Variants in E2F3 observed in about 807,000 individuals in gnomAD.
The protein encoded by E2F3 is transcription factor E2F3.
E2F3 carries 11 observed loss-of-function variants against 44.4 expected under a neutral mutation model. The ratio of observed to expected loss-of-function variants is 0.25; its 90% confidence interval spans 0.16 to 0.41. The LOEUF (loss-of-function observed/expected upper bound fraction) is 0.41. Among genes scored for constraint, E2F3 ranks in the 10% least tolerant of loss-of-function variants. E2F3 has a pLI of 1.00. For missense variants in E2F3, 487 were observed against 583.6 expected (o/e 0.83, Z 1.70); for synonymous variants, 249 against 253.0 (o/e 0.98, Z 0.15).
chr6:20,493,576 A>C lies in E2F3; in HGVS notation c.*3146A>C, dbSNP rs1046249257. On this transcript the variant is annotated 3_prime_UTR_variant, in exon 7 of 7. Coordinates refer to ENST00000346618, the MANE Select transcript of E2F3 (RefSeq NM_001949.5). Reference sequence around the variant, plus strand: ...TATAATGTAAAAAAAAACAAAAAAAAGCTTTTATGATGGATTTTGTAAATA... The same window carrying C: ...TATAATGTAAAAAAAAACAAAAAAACGCTTTTATGATGGATTTTGTAAATA... 9.4e-6 allele frequency: 2 copies of C among 212,672 alleles called. No homozygotes were observed. The highest frequency in any genetic ancestry group is 1.4e-4 in the East Asian group (2 of 14,026). The allele number at this position is 212,672 out of a possible 1,614,324, so 13.2% of individuals were successfully genotyped here.
chr6:20,431,982 C>T (rs987807668), intron 1 of E2F3, among the ~76,000 whole-genome samples: 2 of 152,232 alleles, frequency 1.3e-5, no homozygotes, highest in Non-Finnish European at 2.9e-5. Context: ...GTCATAAGCT[C>T]ACCGGGTGTC....
chr6:20,406,222 A>G (rs758560112), intron 1 of E2F3, among the ~76,000 whole-genome samples: 1 of 152,222 alleles, frequency 6.6e-6, no homozygotes, highest in Non-Finnish European at 1.5e-5. Flanking sequence ...GCTGTAAAGC[A>G]TCTATTATTT....
chr6:20,434,852 A>T (rs1309483078), intron 1 of E2F3, among the ~76,000 whole-genome samples: 1 of 152,208 alleles, frequency 6.6e-6, no homozygotes, highest in Non-Finnish European at 1.5e-5. Flanking sequence ...GCTTCTGTTC[A>T]TCAGAATGAA....
intron 1 of E2F3, among the ~76,000 whole-genome samples, chr6:20,449,796 C>T (rs1005548986): frequency 9.2e-5 from 14 of 152,082 alleles, no homozygotes; most frequent in African/African-American, 3.4e-4. Flanking sequence ...TCTGGTAGGC[C>T]CCACTGTCTG....
intron 1 of E2F3, among the ~76,000 whole-genome samples, chr6:20,452,865 A>T (rs1319680793): frequency 6.6e-6 from 1 of 151,980 alleles, no homozygotes; most frequent in South Asian, 2.1e-4. Flanking sequence ...GAGGCAGGAG[A>T]ATCGTTTGAA....
intron 1 of E2F3, among the ~76,000 whole-genome samples, chr6:20,413,897 A>G (rs899673602): frequency 1.3e-5 from 2 of 152,222 alleles, no homozygotes; most frequent in African/African-American, 4.8e-5. Flanking sequence ...AAGAAATACA[A>G]GACCTTTGAC....
chr6:20,455,779 T>TA (rs1298162991), intron 1 of E2F3, among the ~76,000 whole-genome samples: 2 of 152,082 alleles, frequency 1.3e-5, no homozygotes, highest in Non-Finnish European at 2.9e-5. Context: ...AGTGTGGTAA[T>TA]AGGGTGGAGT....
rs1219999206 is a variant in E2F3, at chr6:20,457,216, C to T, written c.394-22630C>T. ...TTGAGAAGAAGTCTTACTCTGTTGC[C>T]CAGGCTGGAGTACAGTGGTCCCATC... On this transcript the variant is annotated intron_variant, in intron 1 of 6. Transcript: ENST00000346618. Among the ~76,000 whole-genome samples, 7 of 151,976 alleles carry T rather than the reference C, an allele frequency of 4.6e-5. No homozygotes were observed. The East Asian group carries it at 9.6e-4, about 21-fold the overall frequency.
intron 1 of E2F3, among the ~76,000 whole-genome samples, chr6:20,419,806 T>C (rs540486401): frequency 6.6e-6 from 1 of 152,276 alleles, no homozygotes; most frequent in South Asian, 2.1e-4. Context: ...GCTCAGTCAA[T>C]CTGCCCGCCT....
chr6:20,416,501 T>C (rs926205102), intron 1 of E2F3, among the ~76,000 whole-genome samples: 1 of 152,194 alleles, frequency 6.6e-6, no homozygotes, highest in African/African-American at 2.4e-5. Context: ...TGGGTTCTTT[T>C]TCTTTTATTT....
chr6:20,430,929 G>C (rs997393198), intron 1 of E2F3, among the ~76,000 whole-genome samples: 9 of 152,164 alleles, frequency 5.9e-5, no homozygotes, highest in African/African-American at 2.2e-4. Context: ...GGAGGCTGAG[G>C]CAGGAGAATC....
intron 4 of E2F3, 61 bp from the exon 5 acceptor site, chr6:20,486,628 G>A: frequency 2.1e-6 from 2 of 932,320 alleles, no homozygotes; most frequent in Admixed American, 2.2e-5. Flanking sequence ...CATCTATTTT[G>A]TCATTTTCAT....
intron 1 of E2F3, among the ~76,000 whole-genome samples, chr6:20,429,732 A>G (rs1245168363): frequency 1.3e-5 from 2 of 151,454 alleles, no homozygotes; most frequent in Non-Finnish European, 2.9e-5. Context: ...TTTTTTCAGT[A>G]TCTTAACCCA....
At chr6:20,486,523 C>T (rs3763278) in intron 4 of E2F3, among the ~76,000 whole-genome samples, 166 bp from the exon 5 acceptor site, 50,695 of 152,078 alleles carry the variant, frequency 0.33, 9,818 homozygotes, top group East Asian at 0.59. Flanking sequence ...CCACCCGCCT[C>T]GGCCTCCCAA....
Position 20,492,706 on chromosome 6 carries a change from G to A in E2F3, c.*2276G>A, listed in dbSNP as rs992064833. 92 of 231,354 alleles carry A rather than the reference G, an allele frequency of 4.0e-4. No individual in the cohort carries two copies. The highest frequency in any genetic ancestry group is 2.0e-3 in the African/African-American group (91 of 45,318). 14.3% of individuals were successfully genotyped at this position (231,354 alleles called of 1,614,324 possible). A position where few individuals can be genotyped will look rare whatever the true frequency, so the allele number is the denominator to read the frequency against. On this transcript the variant is annotated 3_prime_UTR_variant, in exon 7 of 7. Coordinates refer to ENST00000346618, the MANE Select transcript of E2F3 (RefSeq NM_001949.5). The stretch of plus-strand genomic sequence containing the variant: ...GTATTTATTGTTTTTAAAATGAAAG[G>A]AATACTAATAAGTCTTAAAAGTTCC...
chr6:20,444,042 T>A (rs996038912), intron 1 of E2F3, among the ~76,000 whole-genome samples: 2 of 151,566 alleles, frequency 1.3e-5, no homozygotes, highest in Non-Finnish European at 1.5e-5. Flanking sequence ...TGAAACCAGG[T>A]CTCTACAAAA....
chr6:20,449,765 C>A (rs1581614270), intron 1 of E2F3, among the ~76,000 whole-genome samples: 1 of 152,150 alleles, frequency 6.6e-6, no homozygotes, highest in South Asian at 2.1e-4. Flanking sequence ...GATCCTCTCC[C>A]TCCTCCCACT....
intron 1 of E2F3, among the ~76,000 whole-genome samples, chr6:20,453,537 C>G (rs1761205699): frequency 6.6e-6 from 1 of 152,104 alleles, no homozygotes; most frequent in South Asian, 2.1e-4. Flanking sequence ...GCCTCAGCCT[C>G]CTGAGTAGCT....
intron 1 of E2F3, among the ~76,000 whole-genome samples, chr6:20,451,467 A>G (rs1215901467): frequency 1.3e-5 from 2 of 152,160 alleles, no homozygotes; most frequent in East Asian, 1.9e-4. Flanking sequence ...GGCTGAGACT[A>G]TGGGGTTTTC....
Sources: allele counts gnomAD v4.1 joint callset (sites outside exome capture counted in the v4.1 genomes callset), GRCh38; gene constraint gnomAD v4.1.1; transcripts MANE v1.5; gene names NCBI Gene and HGNC (gene_info 2026-07-23, HGNC 2026-07-21).